Variants in HACE1 observed in about 807,000 individuals in gnomAD.
The protein encoded by HACE1 is E3 ubiquitin-protein ligase HACE1.
HACE1 carries 73 observed loss-of-function variants against 118.4 expected under a neutral mutation model. The observed-to-expected ratio is 0.62, with a 90% confidence interval of 0.51 to 0.75. The LOEUF is 0.75. HACE1 is among the 30% of genes least tolerant of loss of function. The probability of loss-of-function intolerance (pLI) is 0.00; values close to 1 mark genes in which losing one functional copy is unlikely to be tolerated. For missense variants in HACE1, 749 were observed against 1,102.2 expected (o/e 0.68, Z 4.54); for synonymous variants, 368 against 374.8 (o/e 0.98, Z 0.21).
intron 22 of HACE1, chr6:104,731,418 A>AG (rs755432702): frequency 6.6e-6 from 1 of 152,092 alleles, no homozygotes; most frequent in Non-Finnish European, 1.5e-5. Flanking sequence ...TAAACAGTCT[A>AG]GAAAAAAAAG....
chr6:104,824,045 A>G (rs1338242125), intron 6 of HACE1, among the ~76,000 whole-genome samples: 1 of 152,206 alleles, frequency 6.6e-6, no homozygotes, highest in Non-Finnish European at 1.5e-5. Context: ...AGGAAGGTCT[A>G]CTTAGTGTTA....
In HACE1 at chr6:104,776,722, T is replaced by A. The variant is rs757948319; in HGVS notation, c.1864+19A>T. 1.4e-6 allele frequency: 2 copies of A among 1,438,074 alleles called. No individual in the cohort carries two copies. The highest frequency in any genetic ancestry group is 9.8e-7 in the Non-Finnish European group (1 of 1,019,230). 89.1% of individuals were successfully genotyped at this position (1,438,074 alleles called of 1,614,324 possible). The stretch of plus-strand genomic sequence containing the variant: ...ATGTGACAAGTTGCAGAAAAAGTCA[T>A]CTAGACTGTACAACTTACCATCAGC... On this transcript the variant is annotated intron_variant, in intron 17 of 23. Transcript: ENST00000262903.
intron 6 of HACE1, among the ~76,000 whole-genome samples, chr6:104,812,733 T>C (rs985022861): frequency 3.9e-5 from 6 of 152,066 alleles, no homozygotes; most frequent in Non-Finnish European, 8.8e-5. Context: ...CAATTCTTAC[T>C]ACAGAACACA....
chr6:104,837,942 G>T (rs1774708189), intron 5 of HACE1, among the ~76,000 whole-genome samples: 1 of 151,996 alleles, frequency 6.6e-6, no homozygotes, highest in Non-Finnish European at 1.5e-5. Context: ...AAGAAGTAAA[G>T]AAAGTAATCC....
At position 104,859,646 on chromosome 6, in the gene HACE1, C is replaced by T. The variant is rs1340680810; in HGVS notation, c.-4G>A. 6 of 1,531,750 alleles carry T rather than the reference C, an allele frequency of 3.9e-6. No homozygotes were observed. In the Admixed American group the frequency reaches 8.0e-5, roughly 20 times the overall value. 94.9% of individuals were successfully genotyped at this position (1,531,750 alleles called of 1,614,324 possible). On this transcript the variant is annotated 5_prime_UTR_variant, in exon 1 of 24. Transcript: ENST00000262903. ...GTTGCTCCATCGCTCTCTCCATCCTCGGCGCGCCCTCCGCGATCCTCCGCG... is the reference window on the plus strand; with the variant it reads ...GTTGCTCCATCGCTCTCTCCATCCTTGGCGCGCCCTCCGCGATCCTCCGCG...
intron 22 of HACE1, among the ~76,000 whole-genome samples, chr6:104,743,627 T>C (rs569191366): frequency 6.6e-6 from 1 of 152,108 alleles, no homozygotes; most frequent in South Asian, 2.1e-4. Context: ...TCTAGTTTTC[T>C]AATATCTATT....
intron 19 of HACE1, among the ~76,000 whole-genome samples, chr6:104,755,472 T>C (rs1778496800): frequency 6.6e-6 from 1 of 152,232 alleles, no homozygotes; most frequent in South Asian, 2.1e-4. Flanking sequence ...TTCAACAGAA[T>C]ATACATTCTT....
intron 19 of HACE1, among the ~76,000 whole-genome samples, chr6:104,752,630 G>C (rs1214763974): frequency 6.6e-6 from 1 of 151,938 alleles, no homozygotes; most frequent in Non-Finnish European, 1.5e-5. Context: ...AAAGATTTAT[G>C]ACTTGCTCAT....
intron 1 of HACE1, among the ~76,000 whole-genome samples, chr6:104,853,071 TG>T (rs975156547): frequency 1.3e-5 from 2 of 152,154 alleles, no homozygotes; most frequent in African/African-American, 4.8e-5. Flanking sequence ...GGTGAGGCTT[TG>T]GGGAGGCAAT....
chr6:104,806,365 G>A (rs1265203746), intron 7 of HACE1, among the ~76,000 whole-genome samples: 1 of 152,164 alleles, frequency 6.6e-6, no homozygotes, highest in Non-Finnish European at 1.5e-5. Flanking sequence ...GGGAGGCTGA[G>A]ATGAGAGAAT....
rs1041594212 is a variant in HACE1, at chr6:104,816,550, T to C, written c.535-5157A>G. 6.6e-5 allele frequency among the ~76,000 whole-genome samples: 10 copies of C among 152,104 alleles called. No homozygotes were observed. The South Asian group carries it at 1.4e-3, about 22-fold the overall frequency. On this transcript the variant is annotated intron_variant, in intron 6 of 23. Coordinates refer to ENST00000262903, the MANE Select transcript of HACE1 (RefSeq NM_020771.4). ...AAACCTCTGCCTAGATTTCAGAGAA[T>C]GTATGGAAATGCCTGGCTGTCCAGG...
In HACE1 at chr6:104,816,715, C is replaced by G. The variant is rs74603898; in HGVS notation, c.535-5322G>C. ...GAGGGCCACCACCCCCCAGACCCAA[C>G]AATAGGAGACCCACTGACAGCTTGC... is the stretch of plus-strand genomic sequence containing the variant. On this transcript the variant is annotated intron_variant, in intron 6 of 23. Transcript: ENST00000262903. Among the ~76,000 whole-genome samples the G allele has an allele frequency of 2.7e-3, 406 of 152,238 alleles. 1 individual carries two copies. Among genetic ancestry groups the G allele is most frequent in the African/African-American group, 9.5e-3 (395 of 41,536 alleles).
chr6:104,819,404 A>ATATACCC, intron 6 of HACE1, among the ~76,000 whole-genome samples: 1 of 152,240 alleles, frequency 6.6e-6, no homozygotes. Flanking sequence ...AAACAAATGG[A>ATATACCC]AAAACATCCC....
rs1771971359 is a variant in HACE1, at chr6:104,815,001, G to C, written c.535-3608C>G. Among the ~76,000 whole-genome samples, 2 of 138,054 alleles carry C rather than the reference G, an allele frequency of 1.4e-5. 1 individual carries two copies. Among genetic ancestry groups the C allele is most frequent in the Non-Finnish European group, 3.1e-5 (2 of 64,320 alleles). 90.6% of individuals were successfully genotyped at this position (138,054 alleles called of 152,430 possible). A position where few individuals can be genotyped will look rare whatever the true frequency, so the allele number is the denominator to read the frequency against. On this transcript the variant is annotated intron_variant, in intron 6 of 23. Coordinates refer to ENST00000262903, the MANE Select transcript of HACE1 (RefSeq NM_020771.4). The stretch of plus-strand genomic sequence containing the variant: ...TCAGTGTGAAAAATTGACTAATATA[G>C]AAAATCAGTACCAGGAGTGGGACAC...
Position 104,784,448 on chromosome 6 carries a change from G to C in HACE1, c.1447C>G (p.His483Asp). ...SPRFIEFVCK[H>D]DEVLKCFVNR... Reference sequence around the variant, plus strand: ...ACAAAGCATTTTAAAACTTCATCATGTTTGCAGACAAATTCAATGAAACGA... The same window carrying C: ...ACAAAGCATTTTAAAACTTCATCATCTTTGCAGACAAATTCAATGAAACGA... The change falls in exon 13 of 24, where the codon CAT (histidine) becomes GAT (aspartate). Residue 483 changes from histidine to aspartate, a missense_variant. By Grantham distance (81) the His-to-Asp change is moderately conservative. Around this residue, in one of 5 missense-constraint regions of HACE1, gnomAD observed 195 missense variants for 322.1 expected, o/e 0.61. Transcript: ENST00000262903. 6.2e-7 allele frequency: 1 copy of C among 1,612,618 alleles called. No individual in the cohort carries two copies. Among genetic ancestry groups the C allele is most frequent in the Non-Finnish European group, 8.5e-7 (1 of 1,178,828 alleles).
chr6:104,825,161 GT>G (rs1334700873), intron 6 of HACE1, among the ~76,000 whole-genome samples: 1 of 152,092 alleles, frequency 6.6e-6, no homozygotes, highest in East Asian at 1.9e-4. Flanking sequence ...CATTTGAGTG[GT>G]TTTGAGGCAG....
intron 22 of HACE1, among the ~76,000 whole-genome samples, chr6:104,740,522 C>T (rs1282958622): frequency 6.6e-6 from 1 of 152,132 alleles, no homozygotes; most frequent in East Asian, 1.9e-4. Flanking sequence ...TCAGAGAATA[C>T]TACAAACACC....
chr6:104,846,221 C>T lies in HACE1; in HGVS notation c.326+2921G>A, dbSNP rs180682191. Among the ~76,000 whole-genome samples, 7 of 152,190 alleles carry T rather than the reference C, an allele frequency of 4.6e-5. No homozygotes were observed. In the East Asian group the frequency reaches 1.4e-3, roughly 29 times the overall value. On this transcript the variant is annotated intron_variant, in intron 4 of 23. Coordinates refer to ENST00000262903, the MANE Select transcript of HACE1 (RefSeq NM_020771.4). ...AGGGTCTGAATAAGTCAAATCAACC[C>T]AATAAATAAGTAGCTATTTTGCTAA... is the stretch of plus-strand genomic sequence containing the variant.
intron 19 of HACE1, among the ~76,000 whole-genome samples, 187 bp downstream of exon 19, chr6:104,771,006 A>G (rs937217917): frequency 6.6e-6 from 1 of 152,232 alleles, no homozygotes; most frequent in Admixed American, 6.5e-5. Flanking sequence ...AGCTAGCACA[A>G]TTATCAAAAT....
Sources: gnomAD v4.1 joint callset for allele counts (sites outside exome capture counted in the v4.1 genomes callset) on GRCh38, gnomAD v4.1.1 for gene constraint, gnomAD v4.1.1 regional missense constraint, MANE v1.5 for transcripts, NCBI Gene and HGNC (gene_info 2026-07-23, HGNC 2026-07-21) for gene names.